The following FTCDNL1 variants were observed in gnomAD, a reference collection of about 807,000 sequenced individuals.
FTCDNL1 encodes the protein formiminotransferase N-terminal subdomain-containing protein.
In FTCDNL1, 11 loss-of-function variants were observed where a neutral mutation model predicts 5.9. That is an observed-to-expected ratio of 1.87 (90% CI 1.18 to 3.10). The LOEUF (loss-of-function observed/expected upper bound fraction) is 3.10. Among genes scored for constraint, FTCDNL1 ranks in the 30% most tolerant of loss-of-function variants. FTCDNL1 has a pLI of 0.00. For synonymous variants in FTCDNL1, 58 were observed against 24.8 expected (o/e 2.34, Z -3.99); for missense variants, 115 against 65.5 (o/e 1.76, Z -2.61).
chr2:199,705,598 C>A, the FTCDNL1 span, among the ~76,000 whole-genome samples: 1 of 152,010 alleles, frequency 6.6e-6, no homozygotes, highest in African/African-American at 2.4e-5. Flanking sequence ...CTTTTTCTTG[C>A]CTTACTGCTC....
chr2:199,816,293 T>A (rs1296894595), intron 4 of FTCDNL1, among the ~76,000 whole-genome samples: 1 of 152,206 alleles, frequency 6.6e-6, no homozygotes, highest in Non-Finnish European at 1.5e-5. Context: ...TTCCACAAGC[T>A]AAGGTTTCTA....
chr2:199,779,807 C>T (rs191399148), intron 3 of FTCDNL1, among the ~76,000 whole-genome samples: 1 of 152,266 alleles, frequency 6.6e-6, no homozygotes, highest in African/African-American at 2.4e-5. Context: ...TGACGTCAGT[C>T]CTAAGTGTAT....
the FTCDNL1 span, among the ~76,000 whole-genome samples, chr2:199,705,334 A>G: frequency 6.6e-6 from 1 of 152,186 alleles, no homozygotes; most frequent in African/African-American, 2.4e-5. Context: ...TCAGTTTCAG[A>G]TAGCTTCTAA....
the FTCDNL1 span, among the ~76,000 whole-genome samples, chr2:199,702,452 C>A: frequency 4.6e-5 from 7 of 152,100 alleles, no homozygotes; most frequent in African/African-American, 1.7e-4. Flanking sequence ...TCCAAACCAG[C>A]GCCTAAGAAT....
intron 2 of FTCDNL1, among the ~76,000 whole-genome samples, chr2:199,848,124 T>C (rs193267589): frequency 6.6e-6 from 1 of 152,374 alleles, no homozygotes; most frequent in African/African-American, 2.4e-5. Flanking sequence ...GTATACACTG[T>C]TGTGTGTATT....
chr2:199,841,994 C>T (rs1279738613), intron 3 of FTCDNL1, among the ~76,000 whole-genome samples: 2 of 152,166 alleles, frequency 1.3e-5, no homozygotes, highest in Admixed American at 6.5e-5. Flanking sequence ...TGCGGTGGCT[C>T]ATGCCTGTAA....
intron 3 of FTCDNL1, among the ~76,000 whole-genome samples, chr2:199,824,800 G>A (rs983573361): frequency 3.9e-5 from 6 of 152,114 alleles, no homozygotes; most frequent in African/African-American, 9.7e-5. Flanking sequence ...TGTGATTCGT[G>A]GCACCCCAAA....
At chr2:199,842,938 CA>C (rs34781142) in intron 3 of FTCDNL1, among the ~76,000 whole-genome samples, 3,877 of 104,512 alleles carry the variant, frequency 0.037, 113 homozygotes, top group African/African-American at 0.14. Context: ...CATGCTGTTA[CA>C]AAAAAAAAAA....
chr2:199,849,592 T>A (rs1283967683), intron 1 of FTCDNL1, among the ~76,000 whole-genome samples: 2 of 152,236 alleles, frequency 1.3e-5, no homozygotes, highest in Non-Finnish European at 1.5e-5. Context: ...ACTTGAAAGA[T>A]GATACATATT....
the FTCDNL1 span, among the ~76,000 whole-genome samples, chr2:199,692,500 G>A: frequency 1.8e-3 from 277 of 152,334 alleles, no homozygotes; most frequent in African/African-American, 6.2e-3. Context: ...TTACAGTGGC[G>A]TAATTAAGGC....
chr2:199,765,743 G>A (rs926292124), intron 3 of FTCDNL1, among the ~76,000 whole-genome samples: 1 of 150,926 alleles, frequency 6.6e-6, no homozygotes, highest in Non-Finnish European at 1.5e-5. Context: ...GGGTTTCACC[G>A]TGTTGCCCAG....
In FTCDNL1 at chr2:199,851,124, G is replaced by GCCGCGCGTGGC. The variant is rs1176213324; in HGVS notation, c.-403_-393dup. The GCCGCGCGTGGC allele has an allele frequency of 7.3e-6, 1 of 137,796 alleles. No individual in the cohort carries two copies. The highest frequency in any genetic ancestry group is 3.0e-5 in the African/African-American group (1 of 32,890). 8.5% of individuals were successfully genotyped at this position (137,796 alleles called of 1,614,324 possible). A position where few individuals can be genotyped will look rare whatever the true frequency, so the allele number is the denominator to read the frequency against. On this transcript the variant is annotated 5_prime_UTR_variant, in exon 1 of 5. Transcript: ENST00000420128. ...GGGCGACCGCCCAGCCCAAGTCGCC[G>GCCGCGCGTGGC]CCGCGCGTGGCCCGCGCGCAGCCTC...
intron 3 of FTCDNL1, among the ~76,000 whole-genome samples, chr2:199,773,861 G>A (rs1264611007): frequency 6.6e-6 from 1 of 152,076 alleles, no homozygotes; most frequent in Non-Finnish European, 1.5e-5. Flanking sequence ...ATGATTTCAG[G>A]ATCCCATCAT....
chr2:199,677,970 A>T, the FTCDNL1 span, among the ~76,000 whole-genome samples: 13 of 152,338 alleles, frequency 8.5e-5, no homozygotes, highest in African/African-American at 3.1e-4. Context: ...ACAAATTTCT[A>T]GAAAAGGGAG....
intron 3 of FTCDNL1, among the ~76,000 whole-genome samples, chr2:199,790,617 A>G (rs954777908): frequency 6.6e-6 from 1 of 152,162 alleles, no homozygotes; most frequent in Non-Finnish European, 1.5e-5. Context: ...ATAAATGCCT[A>G]TTCAAATATA....
the FTCDNL1 span, among the ~76,000 whole-genome samples, chr2:199,684,672 C>T: frequency 6.6e-6 from 1 of 152,112 alleles, no homozygotes; most frequent in Non-Finnish European, 1.5e-5. Context: ...TGCATAAGAA[C>T]GTTTTTATTA....
At chr2:199,841,978 G>C (rs762219197) in intron 3 of FTCDNL1, among the ~76,000 whole-genome samples, 9 of 152,156 alleles carry the variant, frequency 5.9e-5, no homozygotes, top group Non-Finnish European at 1.3e-4. Flanking sequence ...TCATAATCTA[G>C]CCAAGTGCGG....
chr2:199,704,520 T>C, the FTCDNL1 span, among the ~76,000 whole-genome samples: 1 of 151,918 alleles, frequency 6.6e-6, no homozygotes, highest in Non-Finnish European at 1.5e-5. Context: ...CTGAAAAGTG[T>C]GGTGGTTGAT....
the FTCDNL1 span, among the ~76,000 whole-genome samples, chr2:199,715,655 T>C: frequency 4.0e-4 from 61 of 152,134 alleles, no homozygotes; most frequent in Non-Finnish European, 7.9e-4. Context: ...AAATTATCCA[T>C]TGAAACATCC....
Sources: gnomAD v4.1 joint callset for allele counts (sites outside exome capture counted in the v4.1 genomes callset) on GRCh38, gnomAD v4.1.1 for gene constraint, MANE v1.5 for transcripts, NCBI Gene and HGNC (gene_info 2026-07-23, HGNC 2026-07-21) for gene names.